BCAR3: variants seen among roughly 807,000 people sequenced by gnomAD.
BCAR3 encodes the protein breast cancer anti-estrogen resistance protein 3.
A neutral mutation model predicts 80.1 loss-of-function variants in BCAR3; 37 were observed. The ratio of observed to expected loss-of-function variants is 0.46; its 90% CI spans 0.36 to 0.61. The LOEUF (loss-of-function observed/expected upper bound fraction) is 0.61. BCAR3 is among the 20% of genes least tolerant of loss of function. The pLI is 0.00. For synonymous variants in BCAR3, 389 were observed against 418.9 expected (o/e 0.93, Z 0.87); for missense variants, 978 against 1,068.2 (o/e 0.92, Z 1.18).
At chr1:93,601,366 T>C (rs2101866476) in intron 3 of BCAR3, among the ~76,000 whole-genome samples, 1 of 152,244 alleles carries the variant, frequency 6.6e-6, no homozygotes, top group Non-Finnish European at 1.5e-5. Flanking sequence ...TAGGCACAGG[T>C]TTGTTTATTC....
At chr1:93,669,821 G>A (rs1391948192) in intron 2 of BCAR3, among the ~76,000 whole-genome samples, 1 of 152,232 alleles carries the variant, frequency 6.6e-6, no homozygotes, top group Admixed American at 6.5e-5. Context: ...ATTATTCTAA[G>A]TGAAGTGACT....
At chr1:93,756,270 G>T (rs193153352) in intron 2 of BCAR3, among the ~76,000 whole-genome samples, 3 of 152,278 alleles carry the variant, frequency 2.0e-5, no homozygotes, top group East Asian at 1.9e-4. Context: ...AGAAAACAAT[G>T]GTTGGCCCAG....
intron 2 of BCAR3, among the ~76,000 whole-genome samples, chr1:93,647,709 T>C (rs1046374824): frequency 2.0e-5 from 3 of 152,172 alleles, no homozygotes. Context: ...CTCTCACGTA[T>C]AAGGTAGCCC....
chr1:93,675,925 C>CAAAAAAAAAAAAAAAAA (rs58706715), intron 1 of BCAR3, among the ~76,000 whole-genome samples: 12 of 51,454 alleles, frequency 2.3e-4, no homozygotes, highest in African/African-American at 5.8e-4. Flanking sequence ...AAATAGGAGA[C>CAAAAAAAAAAAAAAAAA]AAAAAAAAAA....
At chr1:93,690,417 T>C (rs1243597302) in intron 3 of BCAR3, among the ~76,000 whole-genome samples, 1 of 152,236 alleles carries the variant, frequency 6.6e-6, no homozygotes, top group Non-Finnish European at 1.5e-5. Context: ...ATTTTGACAA[T>C]AATCTTATAA....
intron 3 of BCAR3, among the ~76,000 whole-genome samples, chr1:93,595,200 T>C (rs1674373334): frequency 6.6e-6 from 1 of 152,192 alleles, no homozygotes; most frequent in African/African-American, 2.4e-5. Flanking sequence ...TCTCAAATAA[T>C]TTGGGATGAA....
At chr1:93,751,523 G>A (rs1651556563) in intron 2 of BCAR3, among the ~76,000 whole-genome samples, 1 of 152,156 alleles carries the variant, frequency 6.6e-6, no homozygotes, top group Admixed American at 6.5e-5. Flanking sequence ...ATCCTGCCAT[G>A]CCTCGGGCTC....
chr1:93,607,128 G>A (rs981562155), intron 3 of BCAR3, among the ~76,000 whole-genome samples: 1 of 152,170 alleles, frequency 6.6e-6, no homozygotes, highest in African/African-American at 2.4e-5. Flanking sequence ...GTGAGGGGCT[G>A]ACAAATTACC....
chr1:93,663,910 T>C (rs1321037604), intron 2 of BCAR3, among the ~76,000 whole-genome samples: 2 of 152,218 alleles, frequency 1.3e-5, no homozygotes, highest in African/African-American at 2.4e-5. Context: ...GGTCACAGCA[T>C]TGTTTTTAAT....
intron 2 of BCAR3, among the ~76,000 whole-genome samples, chr1:93,724,384 CT>C (rs1297827730): frequency 6.6e-6 from 1 of 152,212 alleles, no homozygotes; most frequent in African/African-American, 2.4e-5. Context: ...GCAGCCCTAT[CT>C]TTGGGCCTTC....
At chr1:93,631,489 G>C (rs1363171727) in intron 3 of BCAR3, among the ~76,000 whole-genome samples, 1 of 152,194 alleles carries the variant, frequency 6.6e-6, no homozygotes, top group Non-Finnish European at 1.5e-5. Flanking sequence ...AAGCCCCAGA[G>C]ACACTAGGGA....
chr1:93,619,322 C>CAA (rs1557624726), intron 3 of BCAR3, among the ~76,000 whole-genome samples: 1 of 152,046 alleles, frequency 6.6e-6, no homozygotes, highest in Non-Finnish European at 1.5e-5. Context: ...CTGGCCCAAC[C>CAA]AGAAACAGAA....
intron 3 of BCAR3, chr1:93,602,512 T>TC (rs1674655322): frequency 6.6e-6 from 1 of 152,200 alleles, no homozygotes; most frequent in Non-Finnish European, 1.5e-5. Context: ...CACAAAGCAG[T>TC]CTGAACCCTT....
At chr1:93,668,247 A>AT (rs888589191) in intron 2 of BCAR3, among the ~76,000 whole-genome samples, 41 of 151,376 alleles carry the variant, frequency 2.7e-4, no homozygotes, top group African/African-American at 8.3e-4. Context: ...TCTGTTAACA[A>AT]TTTTTTTTTG....
At chr1:93,632,642 A>G (rs1675662632) in intron 3 of BCAR3, among the ~76,000 whole-genome samples, 1 of 152,242 alleles carries the variant, frequency 6.6e-6, no homozygotes, top group East Asian at 1.9e-4. Context: ...CATTATAGGA[A>G]AAGCAGCCAC....
rs1239667875 is a variant in BCAR3 at position 93,824,603 on chromosome 1, C to A, written c.-63+20964G>T. Among the ~76,000 whole-genome samples, 2 of 132,620 alleles carry A rather than the reference C, an allele frequency of 1.5e-5. 1 individual carries two copies. The highest frequency in any genetic ancestry group is 3.4e-5 in the Non-Finnish European group (2 of 58,826). 87.0% of individuals were successfully genotyped at this position (132,620 alleles called of 152,430 possible). On this transcript the variant is annotated intron_variant, in intron 2 of 13. Transcript: ENST00000370244. ...ATCCCCGACCTTACCCCCACCACCT[C>A]TCTCCCTTTGTTCTCATGCCTCCTC...
intron 3 of BCAR3, among the ~76,000 whole-genome samples, chr1:93,688,976 A>G (rs1557655060): frequency 2.0e-5 from 3 of 152,210 alleles, no homozygotes; most frequent in African/African-American, 7.2e-5. Flanking sequence ...TTACTTAAAA[A>G]CAAATTCAAA....
At chr1:93,701,583 C>G (rs969742275) in intron 3 of BCAR3, among the ~76,000 whole-genome samples, 1 of 152,218 alleles carries the variant, frequency 6.6e-6, no homozygotes, top group Non-Finnish European at 1.5e-5. Flanking sequence ...GCCACTGGGA[C>G]AAAAGAGACA....
At chr1:93,722,675 C>T (rs1379116411) in intron 2 of BCAR3, among the ~76,000 whole-genome samples, 1 of 152,156 alleles carries the variant, frequency 6.6e-6, no homozygotes, top group African/African-American at 2.4e-5. Context: ...GTCCCAGGGA[C>T]TGGTGGGCTG....
Sources: gnomAD v4.1 joint callset for allele counts (sites outside exome capture counted in the v4.1 genomes callset) on GRCh38, gnomAD v4.1.1 for gene constraint, MANE v1.5 for transcripts, NCBI Gene and HGNC (gene_info 2026-07-23, HGNC 2026-07-21) for gene names.